NTNG1: variants seen among roughly 807,000 people sequenced by gnomAD.
NTNG1 encodes the protein netrin-G1.
In NTNG1, 16 loss-of-function variants were observed where a neutral mutation model predicts 54.0. The observed-to-expected ratio is 0.30, with a 90% CI of 0.20 to 0.45. The LOEUF is 0.45. Among genes scored for constraint, NTNG1 ranks in the 20% least tolerant of loss-of-function variants. The pLI, the probability that NTNG1 is intolerant of heterozygous loss-of-function variation, is 1.00. For missense variants in NTNG1, 530 were observed against 678.7 expected (o/e 0.78, Z 2.43); for synonymous variants, 255 against 263.1 (o/e 0.97, Z 0.30).
intron 2 of NTNG1, among the ~76,000 whole-genome samples, chr1:107,160,768 C>T (rs1172280912): frequency 6.6e-6 from 1 of 152,066 alleles, no homozygotes; most frequent in African/African-American, 2.4e-5. Context: ...TTTTGCTGTT[C>T]CTTGTAACAC....
intron 3 of NTNG1, among the ~76,000 whole-genome samples, chr1:107,331,130 AACGTC>A (rs1570695261): frequency 6.6e-6 from 1 of 152,088 alleles, no homozygotes; most frequent in Non-Finnish European, 1.5e-5. Context: ...CTTTTTCTTT[AACGTC>A]ACACATAACA....
At chr1:107,380,360 GGT>G (rs1449414465) in intron 3 of NTNG1, among the ~76,000 whole-genome samples, 1 of 152,110 alleles carries the variant, frequency 6.6e-6, no homozygotes, top group Admixed American at 6.5e-5. Flanking sequence ...GGGAGAAGGA[GGT>G]GTGTGGAGAA....
intron 2 of NTNG1, among the ~76,000 whole-genome samples, chr1:107,283,017 G>A (rs889091793): frequency 2.0e-5 from 3 of 151,984 alleles, no homozygotes; most frequent in Non-Finnish European, 4.4e-5. Context: ...CATTCATGAT[G>A]GCTCCACCCT....
chr1:107,280,549 G>A (rs1664780634), intron 2 of NTNG1, among the ~76,000 whole-genome samples: 1 of 148,156 alleles, frequency 6.7e-6, no homozygotes, highest in East Asian at 2.0e-4. Context: ...AATATCTCAT[G>A]ATTTTTGGTT....
At chr1:107,433,186 G>C (rs1452861984) in intron 6 of NTNG1, among the ~76,000 whole-genome samples, 1 of 151,934 alleles carries the variant, frequency 6.6e-6, no homozygotes, top group African/African-American at 2.4e-5. Flanking sequence ...TTAGTATTTT[G>C]TACTTGAAAC....
Position 107,324,509 on chromosome 1 carries a change from C to T in NTNG1, c.474C>T (p.Asp158=), listed in dbSNP as rs576562494. 9 of 1,613,754 alleles carry T rather than the reference C, an allele frequency of 5.6e-6. No individual in the cohort carries two copies. Among genetic ancestry groups the T allele is most frequent in the South Asian group, 5.5e-5 (5 of 91,076 alleles). ...TTACCTTTGAATCTGGGCGTCCAGA[C>T]CAAATGATCCTGGAGAAGTCTCTCG... ...IVITFESGRP[D]QMILEKSLDY... is the part of the protein sequence containing the mutation. The change falls in exon 3 of 8, where the codon GAC becomes GAT. Residue 158 remains aspartate (D), a synonymous_variant. Coordinates refer to ENST00000370068, the MANE Select transcript of NTNG1 (RefSeq NM_001113226.3).
chr1:107,196,752 C>T (rs1312592485), intron 2 of NTNG1, among the ~76,000 whole-genome samples: 4 of 151,850 alleles, frequency 2.6e-5, no homozygotes, highest in Non-Finnish European at 1.5e-5. Context: ...AAGAAGAGTT[C>T]TACCTGCCAA....
chr1:107,314,745 G>A (rs1313822123), intron 2 of NTNG1, among the ~76,000 whole-genome samples: 1 of 152,176 alleles, frequency 6.6e-6, no homozygotes, highest in Admixed American at 6.5e-5. Context: ...ATAACATAGT[G>A]GTTGAGAACA....
At chr1:107,404,028 G>GCTAATGAAGCAT (rs1557970750) in intron 4 of NTNG1, among the ~76,000 whole-genome samples, 1 of 150,792 alleles carries the variant, frequency 6.6e-6, no homozygotes, top group Non-Finnish European at 1.5e-5. Flanking sequence ...CAGAGATGGA[G>GCTAATGAAGCAT]TTAAGCTAAT....
intron 2 of NTNG1, among the ~76,000 whole-genome samples, chr1:107,236,411 G>T (rs544520986): frequency 1.1e-3 from 163 of 152,290 alleles, no homozygotes; most frequent in Non-Finnish European, 1.3e-3. Flanking sequence ...GTTATTAAAG[G>T]TATGGGCAGA....
intron 7 of NTNG1, among the ~76,000 whole-genome samples, chr1:107,449,760 T>C (rs1281474912): frequency 6.6e-6 from 1 of 151,922 alleles, no homozygotes; most frequent in East Asian, 1.9e-4. Context: ...GCTTTTTCTA[T>C]TAACTAAATC....
intron 2 of NTNG1, among the ~76,000 whole-genome samples, chr1:107,186,701 T>C (rs1203113408): frequency 1.3e-5 from 2 of 152,186 alleles, no homozygotes; most frequent in Non-Finnish European, 2.9e-5. Context: ...TTCTTCTGCC[T>C]GGAAATCTCT....
chr1:107,295,273 C>T (rs777504176), intron 2 of NTNG1, among the ~76,000 whole-genome samples: 26 of 152,132 alleles, frequency 1.7e-4, no homozygotes, highest in African/African-American at 2.4e-4. Context: ...TTGTTTTAAG[C>T]GTCATTACCT....
chr1:107,380,848 A>ACTGTTAAATATAAAACAAAACACTT (rs1234991031), intron 3 of NTNG1, among the ~76,000 whole-genome samples: 5 of 152,120 alleles, frequency 3.3e-5, no homozygotes, highest in Non-Finnish European at 7.3e-5. Context: ...CCTCCACACT[A>ACTGTTAAATATAAAACAAAACACTT]CTGTTAAATA....
At chr1:107,287,615 G>A (rs1358438095) in intron 2 of NTNG1, among the ~76,000 whole-genome samples, 1 of 152,150 alleles carries the variant, frequency 6.6e-6, no homozygotes, top group Non-Finnish European at 1.5e-5. Context: ...AATTTAGAGG[G>A]TTGATGGTAG....
At chr1:107,142,234 C>G (rs950029305) in intron 1 of NTNG1, among the ~76,000 whole-genome samples, 4 of 151,394 alleles carry the variant, frequency 2.6e-5, no homozygotes, top group Admixed American at 1.3e-4. Context: ...TTAAGTGATT[C>G]ATACAAGGAA....
At chr1:107,351,436 A>G (rs1481933306) in intron 3 of NTNG1, among the ~76,000 whole-genome samples, 1 of 152,180 alleles carries the variant, frequency 6.6e-6, no homozygotes, top group Non-Finnish European at 1.5e-5. Context: ...TGGAAGGTAA[A>G]GCAGGAACAG....
chr1:107,286,057 A>T (rs1665179482), intron 2 of NTNG1, among the ~76,000 whole-genome samples: 1 of 152,184 alleles, frequency 6.6e-6, no homozygotes, highest in African/African-American at 2.4e-5. Flanking sequence ...TCATTTCTGA[A>T]GATGTTTGCT....
At chr1:107,247,305 T>C (rs1662270068) in intron 2 of NTNG1, among the ~76,000 whole-genome samples, 1 of 152,184 alleles carries the variant, frequency 6.6e-6, no homozygotes, top group Admixed American at 6.5e-5. Context: ...AGTCGTAAGT[T>C]TAAAATGAGG....
Sources: allele counts gnomAD v4.1 joint callset (sites outside exome capture counted in the v4.1 genomes callset), GRCh38; gene constraint gnomAD v4.1.1; transcripts MANE v1.5; gene names NCBI Gene and HGNC (gene_info 2026-07-23, HGNC 2026-07-21).